RNF220: variants seen among roughly 807,000 people sequenced by gnomAD.
RNF220 encodes the protein ring finger protein 220, also known as E3 ubiquitin-protein ligase RNF220.
A neutral mutation model predicts 67.1 loss-of-function variants in RNF220; 7 were observed. That is an observed-to-expected ratio of 0.10 (90% CI 0.06 to 0.20). The LOEUF (loss-of-function observed/expected upper bound fraction) is 0.20. Among genes scored for constraint, RNF220 ranks in the 10% least tolerant of loss-of-function variants. The pLI is 1.00. For synonymous variants in RNF220, 270 were observed against 283.2 expected, an observed-to-expected ratio of 0.95 and a Z score of 0.47; for missense variants, 565 against 740.3, an observed-to-expected ratio of 0.76 and a Z score of 2.75.
chr1:44,517,280 G>A (rs563810187), intron 2 of RNF220, among the ~76,000 whole-genome samples: 4 of 152,012 alleles, frequency 2.6e-5, no homozygotes, highest in African/African-American at 7.2e-5. Context: ...TCCTTAACGC[G>A]GCAAGACCTG....
intron 2 of RNF220, among the ~76,000 whole-genome samples, chr1:44,435,746 A>G (rs1457746418): frequency 2.0e-5 from 3 of 152,112 alleles, no homozygotes; most frequent in Non-Finnish European, 4.4e-5. Context: ...CCTGACCAAT[A>G]TGGTGAAACC....
intron 2 of RNF220, among the ~76,000 whole-genome samples, chr1:44,543,192 C>A (rs1391624311): frequency 1.3e-5 from 2 of 152,108 alleles, no homozygotes; most frequent in African/African-American, 4.8e-5. Context: ...TGTGCAGAGA[C>A]CTCCCCGTCA....
chr1:44,468,949 A>C (rs1420630631), intron 2 of RNF220, among the ~76,000 whole-genome samples: 2 of 152,204 alleles, frequency 1.3e-5, no homozygotes, highest in African/African-American at 4.8e-5. Flanking sequence ...TTAGATGCCA[A>C]AAACAATATC....
At chr1:44,504,942 C>G (rs1195629354) in intron 2 of RNF220, among the ~76,000 whole-genome samples, 1 of 152,104 alleles carries the variant, frequency 6.6e-6, no homozygotes, top group Non-Finnish European at 1.5e-5. Flanking sequence ...CTGGTTCTGA[C>G]CTGTAAAAGT....
intron 2 of RNF220, among the ~76,000 whole-genome samples, chr1:44,510,972 G>C (rs1658938927): frequency 6.6e-6 from 1 of 152,232 alleles, no homozygotes; most frequent in Admixed American, 6.5e-5. Context: ...CCCCAAAATG[G>C]AGGCCAGTTG....
chr1:44,569,942 G>T (rs1664313702), intron 2 of RNF220, among the ~76,000 whole-genome samples: 1 of 152,146 alleles, frequency 6.6e-6, no homozygotes, highest in South Asian at 2.1e-4. Flanking sequence ...CTTGGCAGTG[G>T]TTCTAGGTGC....
chr1:44,651,073 G>C lies in RNF220; in HGVS notation c.*298G>C. On this transcript the variant is annotated 3_prime_UTR_variant, in exon 15 of 15. Coordinates refer to ENST00000361799, the MANE Select transcript of RNF220 (RefSeq NM_018150.4). ...GGGGTTGGGGGAGTAGTGGGGCACG[G>C]CTCCTAAGATCCAGCCCCCATACTG... The C allele has an allele frequency of 2.2e-6, 1 of 450,810 alleles. No individual in the cohort carries two copies. The highest frequency in any genetic ancestry group is 4.2e-6 in the Non-Finnish European group (1 of 240,418). The allele number at this position is 450,810 out of a possible 1,614,324, so 27.9% of individuals were successfully genotyped here.
intron 8 of RNF220, among the ~76,000 whole-genome samples, chr1:44,640,641 G>A (rs1644461169): frequency 1.3e-5 from 2 of 152,158 alleles, no homozygotes; most frequent in South Asian, 2.1e-4. Flanking sequence ...TTTGACACAC[G>A]CCAACTCCCT....
intron 2 of RNF220, among the ~76,000 whole-genome samples, chr1:44,569,380 A>G (rs1002040068): frequency 6.6e-5 from 10 of 152,264 alleles, no homozygotes; most frequent in Non-Finnish European, 1.5e-4. Context: ...GTAACATTGC[A>G]TTAACATTCT....
chr1:44,557,405 G>GAGGA (rs201545728), intron 2 of RNF220, among the ~76,000 whole-genome samples: 91 of 150,620 alleles, frequency 6.0e-4, no homozygotes, highest in Non-Finnish European at 9.6e-4. Flanking sequence ...GAAAGAGAGA[G>GAGGA]AGGAAGGAAG....
chr1:44,542,913 C>T (rs879619229), intron 2 of RNF220, among the ~76,000 whole-genome samples: 3 of 151,878 alleles, frequency 2.0e-5, no homozygotes, highest in Non-Finnish European at 4.4e-5. Flanking sequence ...TGCGCCTCCC[C>T]TCCCTGCCCC....
intron 2 of RNF220, among the ~76,000 whole-genome samples, chr1:44,479,206 C>A (rs1343208743): frequency 6.6e-6 from 1 of 151,812 alleles, no homozygotes; most frequent in African/African-American, 2.4e-5. Flanking sequence ...ACCTCCGCCT[C>A]CCGGGTTCAC....
intron 2 of RNF220, among the ~76,000 whole-genome samples, chr1:44,502,236 C>T (rs992638408): frequency 1.3e-5 from 2 of 152,044 alleles, no homozygotes; most frequent in African/African-American, 4.8e-5. Context: ...CTAAGGCTGC[C>T]GCATGATCCA....
chr1:44,632,297 G>A, intron 5 of RNF220, 46 bp from the exon 6 acceptor site: 2 of 1,614,036 alleles, frequency 1.2e-6, no homozygotes, highest in South Asian at 1.1e-5. Flanking sequence ...GGCCGCGCCT[G>A]ACGCTCTCTT....
chr1:44,549,940 T>A (rs1287156938), intron 2 of RNF220, among the ~76,000 whole-genome samples: 1 of 152,192 alleles, frequency 6.6e-6, no homozygotes, highest in Non-Finnish European at 1.5e-5. Context: ...CTGGGCTCCA[T>A]CTGTCCTGTC....
intron 2 of RNF220, among the ~76,000 whole-genome samples, chr1:44,588,343 C>A (rs1489706706): frequency 2.6e-5 from 4 of 152,212 alleles, no homozygotes; most frequent in Middle Eastern, 3.2e-3. Context: ...ACAGGCCTGT[C>A]CTGCATCCCG....
chr1:44,460,407 T>A (rs1452047193), intron 2 of RNF220, among the ~76,000 whole-genome samples: 5 of 152,154 alleles, frequency 3.3e-5, no homozygotes, highest in Non-Finnish European at 7.3e-5. Flanking sequence ...GCTAGACTGC[T>A]GTGGAGCAGT....
Position 44,412,391 on chromosome 1 carries a change from A to G in RNF220, c.294A>G (p.Gln98=), listed in dbSNP as rs1557899130. Residue 98 remains glutamine (Q), a synonymous_variant, in exon 2 of 15, where the codon CAA becomes CAG. Coordinates refer to ENST00000361799, the MANE Select transcript of RNF220 (RefSeq NM_018150.4). The surrounding 1 kb of genome is among the most constrained non-coding windows in gnomAD (Gnocchi z 5.3). ...FPPSLLHLHP[Q]FAPPNLDCTP... is the part of the protein sequence containing the mutation. The stretch of plus-strand genomic sequence containing the variant: ...CTTCTCTACTACACCTCCACCCTCA[A>G]TTTGCTCCCCCAAATCTAGATTGCA... 1 of 1,613,410 alleles carries G rather than the reference A, an allele frequency of 6.2e-7. No homozygotes were observed. The highest frequency in any genetic ancestry group is 8.5e-7 in the Non-Finnish European group (1 of 1,179,670).
intron 3 of RNF220, among the ~76,000 whole-genome samples, chr1:44,617,579 C>CT (rs1025601703): frequency 2.6e-5 from 4 of 152,378 alleles, no homozygotes; most frequent in African/African-American, 9.6e-5. Context: ...GGGCCCCAGC[C>CT]TTGGCTGCCC....
Sources: gnomAD v4.1 joint callset for allele counts (sites outside exome capture counted in the v4.1 genomes callset) on GRCh38, gnomAD v4.1.1 for gene constraint, Gnocchi (gnomAD v3.1) non-coding constraint, MANE v1.5 for transcripts, NCBI Gene and HGNC (gene_info 2026-07-23, HGNC 2026-07-21) for gene names.